The following GBP7 variants were observed in gnomAD, a reference collection of about 807,000 sequenced individuals.
The protein encoded by GBP7 is guanylate-binding protein 7.
GBP7 carries 43 observed loss-of-function variants against 61.3 expected under a neutral mutation model. The ratio of observed to expected loss-of-function variants is 0.70; its 90% CI spans 0.55 to 0.91. The LOEUF (loss-of-function observed/expected upper bound fraction) is 0.91, where lower values mean the gene tolerates loss of function less well. GBP7 is among the 40% of genes least tolerant of loss of function. The pLI, the probability that GBP7 is intolerant of heterozygous loss-of-function variation, is 0.00. For synonymous variants in GBP7, 267 were observed against 271.0 expected (o/e 0.99, Z 0.14); for missense variants, 717 against 740.5 (o/e 0.97, Z 0.37).
chr1:89,157,888 G>A lies in GBP7; in HGVS notation c.319-5111C>T, dbSNP rs959335256. On this transcript the variant is annotated intron_variant, in intron 3 of 10. Coordinates refer to ENST00000294671, the MANE Select transcript of GBP7 (RefSeq NM_207398.3). The stretch of plus-strand genomic sequence containing the variant: ...CCAGCATCATCCTGATACCAAAGCC[G>A]GGCAGAGACACAACAGCAAAAAAAG... 3.9e-5 allele frequency among the ~76,000 whole-genome samples: 6 copies of A among 152,088 alleles called. No homozygotes were observed. The East Asian group carries it at 7.7e-4, about 20-fold the overall frequency.
At chr1:89,147,297 A>G in intron 8 of GBP7, among the ~76,000 whole-genome samples, 1 of 152,220 alleles carries the variant, frequency 6.6e-6, no homozygotes, top group Admixed American at 6.5e-5. Flanking sequence ...TTCTGTACTT[A>G]GCACAAAAAC....
chr1:89,149,687 C>T, intron 6 of GBP7, 115 bp from the exon 7 acceptor site: 1 of 803,764 alleles, frequency 1.2e-6, no homozygotes, highest in Non-Finnish European at 1.9e-6. Context: ...ATGAATTTTC[C>T]CTCCTTCTCC....
intron 3 of GBP7, 40 bp from the exon 4 acceptor site, chr1:89,152,817 GT>G: frequency 6.7e-7 from 1 of 1,494,930 alleles, no homozygotes; most frequent in Non-Finnish European, 9.1e-7. Context: ...GGAAGCCACA[GT>G]TTAGATACAT....
At chr1:89,145,542 A>T (rs1380983075) in intron 8 of GBP7, among the ~76,000 whole-genome samples, 1 of 152,098 alleles carries the variant, frequency 6.6e-6, no homozygotes, top group African/African-American at 2.4e-5. Flanking sequence ...TGGGAGTGAA[A>T]ATATCTCTTT....
intron 9 of GBP7, among the ~76,000 whole-genome samples, chr1:89,136,110 T>TATA (rs1681794690): frequency 6.6e-6 from 1 of 152,178 alleles, no homozygotes; most frequent in African/African-American, 2.4e-5. Context: ...CGAGAAGACT[T>TATA]AATTATACTA....
Position 89,149,381 on chromosome 1 carries a change from C to T in GBP7, c.1063G>A (p.Val355Met), listed in dbSNP as rs560981037. ...GCTTCCCTCTCACAAACTGCATGCA[C>T]GTCCAGCAGCTCCTGGAGTGTGTCT... The part of the protein sequence containing the change: ...PTDTLQELLD[V>M]HAVCEREAIA... Residue 355 changes from valine to methionine, a missense_variant, in exon 7 of 11, where the codon GTG becomes ATG. By Grantham distance (21) the Val-to-Met change is conservative. Transcript: ENST00000294671. 122 of 1,614,170 alleles carry T rather than the reference C, an allele frequency of 7.6e-5. 1 individual carries two copies. The highest frequency in any genetic ancestry group is 9.6e-5 in the Non-Finnish European group (113 of 1,180,008).
In GBP7 at chr1:89,133,290, C is replaced by A; in HGVS notation, c.1630G>T (p.Glu544Ter). The A allele has an allele frequency of 6.2e-7, 1 of 1,613,844 alleles. No individual in the cohort carries two copies. Among genetic ancestry groups the A allele is most frequent in the South Asian group, 1.1e-5 (1 of 91,062 alleles). Residue 544 changes from glutamate (E) to a stop codon, truncating the protein, a stop_gained, in exon 10 of 11, where the codon GAA (glutamate) becomes TAA (stop). Coordinates refer to ENST00000294671, the MANE Select transcript of GBP7 (RefSeq NM_207398.3). LOFTEE classifies it low-confidence loss of function (END_TRUNC). The part of the protein sequence containing the change: ...MERERENYMR[E>*]LRKMLSHKMK... The stretch of plus-strand genomic sequence containing the variant: ...TTGTGACTCAACATCTTTCTCAGTT[C>A]TCTCATATAGTTTTCCCTTTCCCTC...
chr1:89,157,374 T>C (rs532120389), intron 3 of GBP7, among the ~76,000 whole-genome samples: 3 of 151,898 alleles, frequency 2.0e-5, no homozygotes, highest in African/African-American at 7.2e-5. Context: ...CTGAAGGAGA[T>C]AGAGACACAA....
Position 89,137,151 on chromosome 1 carries a change from G to A in GBP7, c.1469-3700C>T, listed in dbSNP as rs370409487. ...AGACTAATAACAAGTTCCAAAATTG[G>A]GTCAGCATTAAAAAGCCTACCAAGC... On this transcript the variant is annotated intron_variant, in intron 9 of 10. Coordinates refer to ENST00000294671, the MANE Select transcript of GBP7 (RefSeq NM_207398.3). Among the ~76,000 whole-genome samples the A allele has an allele frequency of 3.7e-4, 56 of 151,738 alleles. 6 individuals carry two copies. The highest frequency in any genetic ancestry group is 9.2e-4 in the Admixed American group (14 of 15,212).
intron 3 of GBP7, among the ~76,000 whole-genome samples, chr1:89,161,268 T>C (rs1206513048): frequency 6.6e-6 from 1 of 152,224 alleles, no homozygotes; most frequent in Non-Finnish European, 1.5e-5. Flanking sequence ...GAACAATTTA[T>C]AGTCCTTTGG....
At chr1:89,143,281 T>A (rs1378306681) in intron 8 of GBP7, among the ~76,000 whole-genome samples, 1 of 152,184 alleles carries the variant, frequency 6.6e-6, no homozygotes, top group Non-Finnish European at 1.5e-5. Flanking sequence ...GTACTAGGCT[T>A]TGTTCTGAGA....
At chr1:89,173,009 C>T (rs1647646814) in intron 1 of GBP7, among the ~76,000 whole-genome samples, 1 of 152,164 alleles carries the variant, frequency 6.6e-6, no homozygotes, top group Middle Eastern at 3.4e-3. Flanking sequence ...TTCTGTTACT[C>T]AACTTGTCCT....
rs1466842121 is a variant in GBP7, at chr1:89,164,718, GTC to G, written c.318+11_318+12del. 6.2e-7 allele frequency: 1 copy of G among 1,612,552 alleles called. No homozygotes were observed. The highest frequency in any genetic ancestry group is 8.5e-7 in the Non-Finnish European group (1 of 1,178,888). ...TCAAAGGTAAAGAAGATTTCTCTAT[GTC>G]TCTTTCTTACCTTTTCCATATCACC... On this transcript the variant is annotated intron_variant, in intron 3 of 10. Coordinates refer to ENST00000294671, the MANE Select transcript of GBP7 (RefSeq NM_207398.3).
chr1:89,152,897 T>C (rs951176527), intron 3 of GBP7, 120 bp from the exon 4 acceptor site: 33 of 635,848 alleles, frequency 5.2e-5, no homozygotes, highest in Non-Finnish European at 8.0e-5. Context: ...AAATGCTGTG[T>C]CTAAAGGAAA....
intron 8 of GBP7, among the ~76,000 whole-genome samples, 169 bp from the exon 9 acceptor site, chr1:89,141,817 T>G (rs1221270038): frequency 6.6e-6 from 1 of 152,192 alleles, no homozygotes; most frequent in Non-Finnish European, 1.5e-5. Context: ...AAGTCCAAGC[T>G]CTTTGTTGAG....
intron 9 of GBP7, among the ~76,000 whole-genome samples, chr1:89,134,428 C>G (rs952411256): frequency 6.6e-6 from 1 of 152,196 alleles, no homozygotes; most frequent in African/African-American, 2.4e-5. Context: ...TTTGCCAGCA[C>G]TCCTCATCGG....
At chr1:89,135,231 C>T (rs1681770906) in intron 9 of GBP7, among the ~76,000 whole-genome samples, 2 of 152,052 alleles carry the variant, frequency 1.3e-5, no homozygotes, top group Admixed American at 6.5e-5. Context: ...CTCATTGGCA[C>T]CCGTGAAAGG....
intron 5 of GBP7, among the ~76,000 whole-genome samples, 159 bp from the exon 6 acceptor site, chr1:89,150,734 C>T (rs1218514818): frequency 1.3e-5 from 2 of 152,164 alleles, no homozygotes; most frequent in Admixed American, 1.3e-4. Flanking sequence ...TTATGCTAAT[C>T]TACTTAAGGT....
chr1:89,168,226 T>G (rs1647496619), intron 2 of GBP7, among the ~76,000 whole-genome samples: 1 of 152,160 alleles, frequency 6.6e-6, no homozygotes, highest in Admixed American at 6.5e-5. Flanking sequence ...TACCTACCCA[T>G]TCCTAAGGAG....
Sources: gnomAD v4.1 joint callset for allele counts (sites outside exome capture counted in the v4.1 genomes callset) on GRCh38, gnomAD v4.1.1 for gene constraint, MANE v1.5 for transcripts, NCBI Gene and HGNC (gene_info 2026-07-23, HGNC 2026-07-21) for gene names.